MSH3: variants seen among roughly 807,000 people sequenced by gnomAD.
MSH3 encodes the protein DNA mismatch repair protein Msh3.
A neutral mutation model predicts 123.3 loss-of-function variants in MSH3; 106 were observed. The observed-to-expected ratio is 0.86, with a 90% CI of 0.73 to 1.01. The LOEUF (loss-of-function observed/expected upper bound fraction) is 1.01, where lower values mean the gene tolerates loss of function less well. MSH3 is among the 50% of genes least tolerant of loss of function. MSH3 has a pLI of 0.00. For synonymous variants in MSH3, 515 were observed against 481.4 expected, an observed-to-expected ratio of 1.07 and a Z score of -0.91; for missense variants, 1,459 against 1,347.6, an observed-to-expected ratio of 1.08 and a Z score of -1.29.
At position 80,672,991 on chromosome 5, in the gene MSH3, A is replaced by G. The variant is rs967477502; in HGVS notation, c.1027+133A>G. ...GATGAGCTGAGAGGCATTAAGGTGA[A>G]CCCTTGATTAGGTGTGCTATTCAAG... On this transcript the variant is annotated intron_variant, in intron 6 of 23. Coordinates refer to ENST00000265081, the MANE Select transcript of MSH3 (RefSeq NM_002439.5). The G allele has an allele frequency of 1.1e-5, 8 of 746,830 alleles. No individual in the cohort carries two copies. The African/African-American group carries it at 1.4e-4, about 13-fold the overall frequency. 46.3% of individuals were successfully genotyped at this position (746,830 alleles called of 1,614,324 possible). A position where few individuals can be genotyped will look rare whatever the true frequency, so the allele number is the denominator to read the frequency against.
chr5:80,875,734 AT>A lies in MSH3; in HGVS notation c.3303-14del, dbSNP rs776916072. On this transcript the variant is annotated splice_polypyrimidine_tract_variant and intron_variant, in intron 23 of 23. Transcript: ENST00000265081. ...CAATTTCATTTATTAAATAAGTAGT[AT>A]TTGATTTTTCCCCAGAAAGAGACTC... is the stretch of plus-strand genomic sequence containing the variant. The A allele has an allele frequency of 4.9e-6, 7 of 1,440,340 alleles. No homozygotes were observed. The African/African-American group carries it at 5.6e-5, about 12-fold the overall frequency. The allele number at this position is 1,440,340 out of a possible 1,614,324, so 89.2% of individuals were successfully genotyped here. A position where few individuals can be genotyped will look rare whatever the true frequency, so the allele number is the denominator to read the frequency against.
chr5:80,742,072 C>T (rs763632741), intron 11 of MSH3, among the ~76,000 whole-genome samples: 3 of 151,138 alleles, frequency 2.0e-5, no homozygotes, highest in African/African-American at 7.3e-5. Flanking sequence ...TGAAGTGATG[C>T]GATATTGGCT....
intron 19 of MSH3, among the ~76,000 whole-genome samples, chr5:80,808,874 T>TCTATATATATATCTATATATATATATAG (rs1561485233): frequency 2.4e-4 from 19 of 79,798 alleles, no homozygotes; most frequent in Non-Finnish European, 3.0e-4. Flanking sequence ...TATATATATA[T>TCTATATATATATCTATATATATATATAG]ATATATATAC....
intron 8 of MSH3, among the ~76,000 whole-genome samples, chr5:80,716,225 A>G (rs1750957858): frequency 6.6e-6 from 1 of 152,122 alleles, no homozygotes; most frequent in African/African-American, 2.4e-5. Flanking sequence ...AGTTTTCCCT[A>G]CCCCACACCT....
chr5:80,697,257 T>C (rs1750503856), intron 8 of MSH3, among the ~76,000 whole-genome samples: 1 of 152,196 alleles, frequency 6.6e-6, no homozygotes, highest in Admixed American at 6.5e-5. Context: ...CAGAGTCTTA[T>C]GTTGACAGAG....
intron 8 of MSH3, among the ~76,000 whole-genome samples, chr5:80,724,953 G>T (rs929478055): frequency 7.2e-5 from 11 of 152,056 alleles, no homozygotes; most frequent in Non-Finnish European, 1.5e-5. Flanking sequence ...AGTGGCTCAC[G>T]CCTGTAATCC....
intron 8 of MSH3, among the ~76,000 whole-genome samples, chr5:80,724,873 A>G (rs923200923): frequency 2.0e-5 from 3 of 152,206 alleles, no homozygotes; most frequent in Admixed American, 2.0e-4. Context: ...AAATAATGAT[A>G]GATATAAAAT....
At chr5:80,743,226 C>G (rs1375343231) in intron 11 of MSH3, among the ~76,000 whole-genome samples, 1 of 152,208 alleles carries the variant, frequency 6.6e-6, no homozygotes, top group African/African-American at 2.4e-5. Context: ...ACCCTTTACC[C>G]CAGTCAGGCC....
At chr5:80,663,632 T>C (rs925517264) in intron 2 of MSH3, among the ~76,000 whole-genome samples, 9 of 152,038 alleles carry the variant, frequency 5.9e-5, no homozygotes, top group Non-Finnish European at 1.2e-4. Context: ...GATACAAATA[T>C]ACATTTCAAA....
chr5:80,853,016 A>C (rs1331911507), intron 20 of MSH3, among the ~76,000 whole-genome samples: 1 of 152,200 alleles, frequency 6.6e-6, no homozygotes, highest in Non-Finnish European at 1.5e-5. Flanking sequence ...ACTGAGTATT[A>C]CCTAATAATG....
At chr5:80,750,992 C>T (rs1235909408) in intron 12 of MSH3, among the ~76,000 whole-genome samples, 3 of 152,092 alleles carry the variant, frequency 2.0e-5, no homozygotes, top group Admixed American at 6.6e-5. Flanking sequence ...TCATTGATAG[C>T]ATATAGGGTT....
At chr5:80,695,429 G>A (rs992095904) in intron 8 of MSH3, among the ~76,000 whole-genome samples, 3 of 152,016 alleles carry the variant, frequency 2.0e-5, no homozygotes, top group African/African-American at 7.2e-5. Flanking sequence ...CCGCCCCCCG[G>A]GTTCAAGCAG....
At chr5:80,869,878 A>G (rs1298887794) in intron 22 of MSH3, among the ~76,000 whole-genome samples, 1 of 139,186 alleles carries the variant, frequency 7.2e-6, no homozygotes, top group Non-Finnish European at 1.6e-5. Flanking sequence ...TAAAAAAATT[A>G]AAAGTCATTA....
At position 80,768,849 on chromosome 5, in the gene MSH3, C is replaced by T. The variant is rs1744168116; in HGVS notation, c.2099C>T (p.Thr700Ile). ...NEQAAKVGDK[T>I]ELFKDLSDFP... is the part of the protein sequence containing the mutation. ...TGATTTTTTAGAGTTGGGGATAAAA[C>T]TGAATTATTTAAAGACCTTTCTGAC... Residue 700 changes from threonine (T) to isoleucine (I), a missense_variant, in exon 15 of 24, where the codon ACT (threonine) becomes ATT (isoleucine). Thr to Ile is a moderately conservative substitution (Grantham distance 89, BLOSUM62 -1). Transcript: ENST00000265081. The T allele has an allele frequency of 1.2e-6, 2 of 1,608,028 alleles. No homozygotes were observed. The highest frequency in any genetic ancestry group is 2.7e-5 in the African/African-American group (2 of 74,832).
At chr5:80,813,856 G>A (rs924646212) in intron 20 of MSH3, 115 bp downstream of exon 20, 4 of 1,180,516 alleles carry the variant, frequency 3.4e-6, no homozygotes, top group East Asian at 4.7e-5. Context: ...TCAACATTTA[G>A]GAGCTTAAAT....
At chr5:80,875,401 T>G (rs1259640710) in intron 23 of MSH3, among the ~76,000 whole-genome samples, 1 of 152,198 alleles carries the variant, frequency 6.6e-6, no homozygotes, top group African/African-American at 2.4e-5. Flanking sequence ...CTTTTCATCC[T>G]GGGAACACTT....
At chr5:80,718,190 T>C (rs1289917515) in intron 8 of MSH3, among the ~76,000 whole-genome samples, 1 of 152,248 alleles carries the variant, frequency 6.6e-6, no homozygotes, top group African/African-American at 2.4e-5. Context: ...GTCATTGTTA[T>C]CACCTTCTTA....
At position 80,762,605 on chromosome 5, in the gene MSH3, G is replaced by T. The variant is rs539624105; in HGVS notation, c.1896+927G>T. Among the ~76,000 whole-genome samples, 11 of 151,344 alleles carry T rather than the reference G, an allele frequency of 7.3e-5. 1 individual carries two copies. The South Asian group carries it at 2.1e-3, about 29-fold the overall frequency. ...TTTGGATGCTATCATGTTTGATGTA[G>T]TTATCTTGACTGCCATTTTTTTTTT... On this transcript the variant is annotated intron_variant, in intron 13 of 23. Coordinates refer to ENST00000265081, the MANE Select transcript of MSH3 (RefSeq NM_002439.5).
intron 2 of MSH3, among the ~76,000 whole-genome samples, chr5:80,658,418 C>T (rs947674330): frequency 2.0e-5 from 3 of 152,144 alleles, no homozygotes; most frequent in Non-Finnish European, 4.4e-5. Flanking sequence ...TGATGATTAT[C>T]ACAGTTAAGT....
Sources: allele counts gnomAD v4.1 joint callset (sites outside exome capture counted in the v4.1 genomes callset), GRCh38; gene constraint gnomAD v4.1.1; transcripts MANE v1.5; gene names NCBI Gene and HGNC (gene_info 2026-07-23, HGNC 2026-07-21).